Variants in TNRC6B observed in about 807,000 individuals in gnomAD.
TNRC6B encodes trinucleotide repeat-containing gene 6B protein.
A neutral mutation model predicts 203.6 loss-of-function variants in TNRC6B; 52 were observed. The observed-to-expected ratio is 0.26, with a 90% CI of 0.20 to 0.32. The LOEUF (loss-of-function observed/expected upper bound fraction) is 0.32. TNRC6B is among the 10% of genes least tolerant of loss of function. The pLI, the probability that TNRC6B is intolerant of heterozygous loss-of-function variation, is 1.00. For synonymous variants in TNRC6B, 838 were observed against 845.7 expected (o/e 0.99, Z 0.16); for missense variants, 1,923 against 2,286.2 (o/e 0.84, Z 3.24).
At chr22:40,175,900 G>A (rs2146373609), upstream of TNRC6B, among the ~76,000 whole-genome samples, 1 of 152,300 alleles carries the variant, frequency 6.6e-6, no homozygotes, top group Admixed American at 6.5e-5. Context: ...AGCAAAGGCG[G>A]GAGACTGTAT....
chr22:40,050,180 G>C (rs960607411), intron 1 of TNRC6B, among the ~76,000 whole-genome samples: 1 of 152,130 alleles, frequency 6.6e-6, no homozygotes, highest in Non-Finnish European at 1.5e-5. Context: ...AGCCAGCCCG[G>C]ATCCAGCGAC....
chr22:40,182,432 C>T (rs2069146019), intron 1 of TNRC6B, among the ~76,000 whole-genome samples: 1 of 152,152 alleles, frequency 6.6e-6, no homozygotes. Context: ...CCACTTTCCT[C>T]ACCTGCTTGT....
chr22:40,254,989 T>G (rs1601923879), intron 3 of TNRC6B, among the ~76,000 whole-genome samples: 1 of 152,156 alleles, frequency 6.6e-6, no homozygotes, highest in South Asian at 2.1e-4. Flanking sequence ...GAGAGCAACC[T>G]CCATGGACCT....
intron 1 of TNRC6B, among the ~76,000 whole-genome samples, chr22:40,071,446 G>A (rs1299870771): frequency 6.6e-6 from 1 of 152,176 alleles, no homozygotes; most frequent in East Asian, 1.9e-4. Flanking sequence ...TCTCTGGACC[G>A]ACTTTTCCTA....
chr22:40,123,600 G>A (rs1236614882), intron 2 of TNRC6B, among the ~76,000 whole-genome samples: 8 of 152,320 alleles, frequency 5.3e-5, no homozygotes, highest in African/African-American at 7.2e-5. Flanking sequence ...ACAGTTAGGC[G>A]GAGAATGGAG....
intron 1 of TNRC6B, among the ~76,000 whole-genome samples, chr22:40,096,104 G>A (rs879288630): frequency 9.2e-5 from 14 of 152,200 alleles, no homozygotes; most frequent in Non-Finnish European, 2.1e-4. Context: ...AGCACGATCT[G>A]TTGTATTGAA....
intron 3 of TNRC6B, among the ~76,000 whole-genome samples, chr22:40,141,759 TTTTTTG>T (rs149602065): frequency 0.22 from 33,641 of 151,118 alleles, 4,037 homozygotes; most frequent in Admixed American, 0.33. Flanking sequence ...TTTTTTCTTG[TTTTTTG>T]TTTTTGTTTT....
At chr22:40,280,212 A>G in intron 10 of TNRC6B, 69 bp downstream of exon 10, 4 of 1,475,360 alleles carry the variant, frequency 2.7e-6, no homozygotes, top group Non-Finnish European at 2.8e-6. Flanking sequence ...GTCTTTTGAT[A>G]ACTGATTCTA....
intron 3 of TNRC6B, among the ~76,000 whole-genome samples, chr22:40,126,585 T>A (rs1480137352): frequency 4.9e-4 from 64 of 129,846 alleles, no homozygotes; most frequent in African/African-American, 2.1e-3. Context: ...ATTTAATTTT[T>A]TTTTTTTTTT....
intron 2 of TNRC6B, among the ~76,000 whole-genome samples, chr22:40,122,109 G>A (rs1021279833): frequency 1.3e-5 from 2 of 152,190 alleles, no homozygotes; most frequent in Non-Finnish European, 2.9e-5. Flanking sequence ...CCAGAAGTTA[G>A]GGTCTTTGAG....
intron 21 of TNRC6B, among the ~76,000 whole-genome samples, chr22:40,319,417 CTTTTCTTT>C (rs2071304848): frequency 8.7e-6 from 1 of 115,290 alleles, no homozygotes; most frequent in Non-Finnish European, 2.0e-5. Flanking sequence ...TATAACTTTT[CTTTTCTTT>C]TTTTTTTTTT....
chr22:40,048,833 T>C (rs1192590947), intron 1 of TNRC6B, among the ~76,000 whole-genome samples: 1 of 151,964 alleles, frequency 6.6e-6, no homozygotes, highest in East Asian at 2.0e-4. Context: ...CTTCCTTCTA[T>C]CCATCCATCC....
At chr22:40,296,605 T>A (rs2070946554) in intron 12 of TNRC6B, among the ~76,000 whole-genome samples, 1 of 151,206 alleles carries the variant, frequency 6.6e-6, no homozygotes, top group African/African-American at 2.4e-5. Context: ...GTGCTGGGAT[T>A]ACAGGCGTGA....
intron 3 of TNRC6B, among the ~76,000 whole-genome samples, chr22:40,132,666 G>C (rs891355819): frequency 7.2e-6 from 1 of 138,178 alleles, no homozygotes; most frequent in African/African-American, 2.8e-5. Context: ...AAAAAAGGCT[G>C]GGCGCAGTGG....
chr22:40,281,151 C>G lies in TNRC6B; in HGVS notation c.3444C>G (p.Cys1148Trp), dbSNP rs1396809534. 1.3e-6 allele frequency: 2 copies of G among 1,550,926 alleles called. No homozygotes were observed. Among genetic ancestry groups the G allele is most frequent in the African/African-American group, 1.4e-5 (1 of 73,148 alleles). Residue 1148 changes from cysteine (C) to tryptophan (W), a missense_variant, in exon 11 of 23, where the codon TGC becomes TGG. Around this residue, in one of 8 missense-constraint regions of TNRC6B, gnomAD observed 599 missense variants for 656.5 expected, o/e 0.91. Transcript: ENST00000454349. The stretch of plus-strand genomic sequence containing the variant: ...TGCCTTTCTCCAATCAAGATGGGTG[C>G]CTTGGGGATGAGGCTCCCTGCTCTC... Reference protein sequence around the residue: ...LTLPFSNQDGCLGDEAPCSPF... With the variant: ...LTLPFSNQDGWLGDEAPCSPF...
chr22:40,296,160 G>A (rs1002878379), intron 12 of TNRC6B, among the ~76,000 whole-genome samples: 1 of 152,044 alleles, frequency 6.6e-6, no homozygotes, highest in Non-Finnish European at 1.5e-5. Context: ...CAGAGTCACC[G>A]TAATGGGGCA....
intron 1 of TNRC6B, among the ~76,000 whole-genome samples, chr22:40,218,027 C>T (rs1434558139): frequency 6.6e-6 from 1 of 151,050 alleles, no homozygotes; most frequent in Non-Finnish European, 1.5e-5. Context: ...AAGGTAACTG[C>T]TTTAAAGAGG....
chr22:40,077,236 G>C (rs933986179), intron 1 of TNRC6B, among the ~76,000 whole-genome samples: 1 of 152,032 alleles, frequency 6.6e-6, no homozygotes, highest in Non-Finnish European at 1.5e-5. Context: ...AGTCTGCATA[G>C]GTTATCTCTC....
chr22:40,119,740 A>ACT (rs2068426117), intron 2 of TNRC6B, among the ~76,000 whole-genome samples: 1 of 152,024 alleles, frequency 6.6e-6, no homozygotes, highest in African/African-American at 2.4e-5. Flanking sequence ...CTTTTTTGTG[A>ACT]CTCTGTTAGC....
Sources: allele counts gnomAD v4.1 joint callset (sites outside exome capture counted in the v4.1 genomes callset), GRCh38; gene constraint gnomAD v4.1.1; regional missense constraint gnomAD v4.1.1; transcripts MANE v1.5; gene names NCBI Gene and HGNC (gene_info 2026-07-23, HGNC 2026-07-21).